Variants in POSTN observed in about 807,000 individuals in gnomAD.
POSTN encodes osteoblast specific factor 2 (fasciclin I-like).
In POSTN, 71 loss-of-function variants were observed where a neutral mutation model predicts 104.5. The observed-to-expected ratio is 0.68, with a 90% CI of 0.56 to 0.83. The LOEUF (loss-of-function observed/expected upper bound fraction) is 0.83, where lower values mean the gene tolerates loss of function less well. Among genes scored for constraint, POSTN ranks in the 40% least tolerant of loss-of-function variants. The pLI, the probability that POSTN is intolerant of heterozygous loss-of-function variation, is 0.00. For synonymous variants in POSTN, 355 were observed against 340.7 expected, an observed-to-expected ratio of 1.04 and a Z score of -0.46; for missense variants, 949 against 1,006.8, an observed-to-expected ratio of 0.94 and a Z score of 0.78.
rs777365462 is a variant in POSTN, at chr13:37,586,183, C to T, written c.851G>A (p.Arg284Gln). ...TCCCATGATCCTTTCTAGGACACCT[C>T]GTGGAAGTTTCTCAAAAGCCTCATT... ...PTNEAFEKLP[R>Q]GVLERIMGDK... The change falls in exon 7 of 23, where the codon CGA becomes CAA. Residue 284 changes from arginine (R) to glutamine (Q), a missense_variant. By Grantham distance (43) the Arg-to-Gln change is conservative. Coordinates refer to ENST00000379747, the MANE Select transcript of POSTN (RefSeq NM_006475.3). 17 of 1,613,704 alleles carry T rather than the reference C, an allele frequency of 1.1e-5. No individual in the cohort carries two copies. Among genetic ancestry groups the T allele is most frequent in the African/African-American group, 5.3e-5 (4 of 74,898 alleles).
intron 2 of POSTN, among the ~76,000 whole-genome samples, chr13:37,593,723 CT>C (rs1321481570): frequency 1.1e-4 from 17 of 151,276 alleles, no homozygotes; most frequent in Admixed American, 9.9e-4. Flanking sequence ...AGAATAAAAT[CT>C]TTTTTTAGTA....
chr13:37,586,394 G>T (rs534337908), intron 6 of POSTN, 114 bp from the exon 7 acceptor site: 2 of 1,120,212 alleles, frequency 1.8e-6, no homozygotes, highest in African/African-American at 1.6e-5. Flanking sequence ...ATAGAGGTTT[G>T]TTGTTGTTAA....
intron 16 of POSTN, among the ~76,000 whole-genome samples, chr13:37,577,401 A>G (rs561853824): frequency 6.6e-6 from 1 of 152,334 alleles, no homozygotes; most frequent in African/African-American, 2.4e-5. Flanking sequence ...GTCTTGGCTA[A>G]GGTCATTTCT....
Position 37,579,028 on chromosome 13 carries a change from A to G in POSTN, c.1885T>C (p.Tyr629His), listed in dbSNP as rs1566019857. Reference sequence around the variant, plus strand: ...TTCAATAATTACAAACCTGCTGGATAGAGGAGTTTATCTACAACATGAATT... The same window carrying G: ...TTCAATAATTACAAACCTGCTGGATGGAGGAGTTTATCTACAACATGAATT... ...GVIHVVDKLL[Y>H]PADTPVGNDQ... Residue 629 changes from tyrosine to histidine, a missense_variant, in exon 14 of 23, where the codon TAT (tyrosine) becomes CAT (histidine). By Grantham distance (83) the Tyr-to-His change is moderately conservative. Transcript: ENST00000379747. 3 of 1,613,250 alleles carry G rather than the reference A, an allele frequency of 1.9e-6. No individual in the cohort carries two copies.
chr13:37,565,462 CCA>C (rs1950070217), intron 21 of POSTN: 1 of 151,954 alleles, frequency 6.6e-6, no homozygotes, highest in African/African-American at 2.4e-5. Flanking sequence ...AGCATGAAGT[CCA>C]GTTTTTTCTA....
Position 37,569,373 on chromosome 13 carries a change from C to T in POSTN, c.2358G>A (p.Lys786=). Residue 786 remains lysine (K), a synonymous_variant, in exon 21 of 23, where the codon AAG becomes AAA. Coordinates refer to ENST00000379747, the MANE Select transcript of POSTN (RefSeq NM_006475.3). ...CACCACCTTCAATGAATTTGGTGAC[C>T]TTGGTGACCTCTGAGAGGATACATG... ...LKKLLQEEVT[K]VTKFIEGGDG... 1 of 1,611,786 alleles carries T rather than the reference C, an allele frequency of 6.2e-7. No individual in the cohort carries two copies.
rs1202199607 is a variant in POSTN at position 37,582,507 on chromosome 13, A to G, written c.1251T>C (p.Thr417=). The change falls in exon 10 of 23, where the codon ACT becomes ACC. Residue 417 remains threonine (T), a synonymous_variant. Transcript: ENST00000379747. ...APVNNAFSDD[T]LSMDQRLLKL... ...TAAGGAGGCGCTGATCCATGCTGAG[A>G]GTATCATCTGTAAATAAATTCATTA... 1 of 1,594,076 alleles carries G rather than the reference A, an allele frequency of 6.3e-7. No homozygotes were observed. Among genetic ancestry groups the G allele is most frequent in the East Asian group, 2.2e-5 (1 of 44,790 alleles).
At chr13:37,580,724 T>A in intron 10 of POSTN, 27 bp from the exon 11 acceptor site, 4 of 1,612,798 alleles carry the variant, frequency 2.5e-6, no homozygotes, top group Non-Finnish European at 3.4e-6. Flanking sequence ...AGGTATGGGG[T>A]GTCATTTTCC....
At chr13:37,573,213 T>G (rs990323279) in intron 17 of POSTN, among the ~76,000 whole-genome samples, 6 of 151,540 alleles carry the variant, frequency 4.0e-5, no homozygotes, top group Non-Finnish European at 8.9e-5. Flanking sequence ...TTAGGGAATC[T>G]GATTTTTAAA....
At chr13:37,571,038 A>AT (rs1950248400) in intron 18 of POSTN, 1 of 289,582 alleles carries the variant, frequency 3.5e-6, no homozygotes, top group African/African-American at 2.2e-5. Context: ...TACAATGGTC[A>AT]TTTTTTCCTA....
intron 11 of POSTN, 151 bp downstream of exon 11, chr13:37,580,410 A>T: frequency 1.1e-6 from 1 of 881,164 alleles, no homozygotes; most frequent in Non-Finnish European, 1.8e-6. Flanking sequence ...GCGAAAACAT[A>T]TATCAATTTT....
chr13:37,569,732 A>G lies in POSTN; in HGVS notation c.2347+12T>C, dbSNP rs2138174168. 2 of 1,559,550 alleles carry G rather than the reference A, an allele frequency of 1.3e-6. No individual in the cohort carries two copies. The highest frequency in any genetic ancestry group is 1.8e-6 in the Non-Finnish European group (2 of 1,132,146). ...GGTAAAGTCACATTCTTATTTTCCT[A>G]GAAATGCTGACCTTCTTGTAACAAT... is the stretch of plus-strand genomic sequence containing the variant. On this transcript the variant is annotated intron_variant, in intron 20 of 22. Transcript: ENST00000379747.
intron 7 of POSTN, among the ~76,000 whole-genome samples, chr13:37,585,903 T>G (rs887972164): frequency 3.9e-5 from 6 of 152,220 alleles, no homozygotes; most frequent in Admixed American, 2.0e-4. Context: ...GAATATCTAC[T>G]ACTTATTTAC....
Position 37,580,604 on chromosome 13 carries a change from C to T in POSTN, c.1486G>A (p.Glu496Lys). Reference sequence around the variant, plus strand: ...TTTAACTTTTCATGGAGGGATTTCTCTGCTGGCTTGATGATCTCGCGGAAT... The same window carrying T: ...TTTAACTTTTCATGGAGGGATTTCTTTGCTGGCTTGATGATCTCGCGGAAT... ...HIFREIIKPA[E>K]KSLHEKLKQD... The change falls in exon 11 of 23, where the codon GAG becomes AAG. Residue 496 changes from glutamate (E) to lysine (K), a missense_variant. Glu to Lys is a moderately conservative substitution (Grantham distance 56, BLOSUM62 1). Transcript: ENST00000379747. 1.2e-6 allele frequency: 2 copies of T among 1,614,120 alleles called. No homozygotes were observed. Among genetic ancestry groups the T allele is most frequent in the East Asian group, 2.2e-5 (1 of 44,880 alleles).
At chr13:37,574,991 C>T (rs979223735) in intron 16 of POSTN, among the ~76,000 whole-genome samples, 1 of 151,846 alleles carries the variant, frequency 6.6e-6, no homozygotes, top group Non-Finnish European at 1.5e-5. Flanking sequence ...TGCATTGCAA[C>T]AGAAGACAAA....
At chr13:37,588,417 G>C (rs180710174) in intron 4 of POSTN, among the ~76,000 whole-genome samples, 1 of 152,210 alleles carries the variant, frequency 6.6e-6, no homozygotes, top group East Asian at 1.9e-4. Context: ...GAATTCAACT[G>C]TCCTGTACCT....
At chr13:37,583,477 T>C (rs576098717) in intron 9 of POSTN, among the ~76,000 whole-genome samples, 1 of 141,618 alleles carries the variant, frequency 7.1e-6, no homozygotes, top group South Asian at 2.6e-4. Flanking sequence ...AGTCTCACTC[T>C]GTCGCCCAGG....
At chr13:37,595,200 C>T (rs926160892) in intron 2 of POSTN, among the ~76,000 whole-genome samples, 3 of 152,212 alleles carry the variant, frequency 2.0e-5, no homozygotes, top group Non-Finnish European at 2.9e-5. Context: ...CCTAACATTT[C>T]AGGGTGAAGG....
intron 22 of POSTN, 125 bp from the exon 23 acceptor site, chr13:37,563,495 TTTC>T (rs1949990500): frequency 9.4e-6 from 4 of 426,248 alleles, no homozygotes; most frequent in Non-Finnish European, 1.6e-5. Context: ...TAGATTATGT[TTTC>T]TTAATATCTT....
Sources: allele counts gnomAD v4.1 joint callset (sites outside exome capture counted in the v4.1 genomes callset), GRCh38; gene constraint gnomAD v4.1.1; transcripts MANE v1.5; gene names NCBI Gene and HGNC (gene_info 2026-07-23, HGNC 2026-07-21).